The following HS6ST3 variants were observed in gnomAD, a reference collection of about 807,000 sequenced individuals.
The protein encoded by HS6ST3 is heparan sulfate 6-O-sulfotransferase 3, also known as heparan-sulfate 6-O-sulfotransferase 3.
In HS6ST3, 12 loss-of-function variants were observed where a neutral mutation model predicts 36.7. The ratio of observed to expected loss-of-function variants is 0.33; its 90% CI spans 0.21 to 0.53. The LOEUF (loss-of-function observed/expected upper bound fraction) is 0.53. HS6ST3 is among the 20% of genes least tolerant of loss of function. The pLI, the probability that HS6ST3 is intolerant of heterozygous loss-of-function variation, is 0.95. For missense variants in HS6ST3, 584 were observed against 640.9 expected (o/e 0.91, Z 0.96); for synonymous variants, 240 against 257.5 (o/e 0.93, Z 0.65).
chr13:96,348,239 A>G (rs915648507), intron 1 of HS6ST3, among the ~76,000 whole-genome samples: 4 of 152,222 alleles, frequency 2.6e-5, no homozygotes, highest in Non-Finnish European at 4.4e-5. Context: ...TAATACAACT[A>G]TAGATTCTGC....
chr13:96,589,108 GA>G (rs2056373584), intron 1 of HS6ST3, among the ~76,000 whole-genome samples: 1 of 148,782 alleles, frequency 6.7e-6, no homozygotes, highest in Admixed American at 6.7e-5. Context: ...GGAGGAGTTT[GA>G]AAAGAATTGT....
Position 96,090,732 on chromosome 13 carries a change from C to A in HS6ST3, c.-131C>A. ...GGGGCCGCCAGCCAGCCACACGCCT[C>A]GGCGTCAGGGGCATGGAGGAACGGC... On this transcript the variant is annotated 5_prime_UTR_variant, in exon 1 of 2. Coordinates refer to ENST00000376705, the MANE Select transcript of HS6ST3 (RefSeq NM_153456.4). 3.6e-6 allele frequency: 2 copies of A among 561,250 alleles called. No homozygotes were observed. The highest frequency in any genetic ancestry group is 5.0e-6 in the Non-Finnish European group (2 of 397,502). The allele number at this position is 561,250 out of a possible 1,614,324, so 34.8% of individuals were successfully genotyped here. A position where few individuals can be genotyped will look rare whatever the true frequency, so the allele number is the denominator to read the frequency against.
chr13:96,643,061 C>G (rs1166726414), intron 1 of HS6ST3, among the ~76,000 whole-genome samples: 1 of 151,892 alleles, frequency 6.6e-6, no homozygotes, highest in Non-Finnish European at 1.5e-5. Flanking sequence ...AGATTTGTTG[C>G]TATTTATTAT....
chr13:96,322,777 C>G (rs9516661), intron 1 of HS6ST3, among the ~76,000 whole-genome samples: 51,396 of 152,000 alleles, frequency 0.34, 9,090 homozygotes, highest in Non-Finnish European at 0.39. Context: ...GGCTTTCTTT[C>G]TGTCACTCAA....
chr13:96,692,000 A>G (rs534659793), intron 1 of HS6ST3, among the ~76,000 whole-genome samples: 1 of 152,284 alleles, frequency 6.6e-6, no homozygotes, highest in East Asian at 1.9e-4. Flanking sequence ...TATGGTACTT[A>G]TACTCCAACT....
rs144192126 is a variant in HS6ST3, at chr13:96,208,544, G to A, written c.707+116975G>A. 6.7e-3 allele frequency among the ~76,000 whole-genome samples: 1,023 copies of A among 152,230 alleles called. 8 individuals carry two copies. The highest frequency in any genetic ancestry group is 0.01 in the Non-Finnish European group (700 of 67,996). Reference sequence around the variant, plus strand: ...TTCTTTAGAGATTTACTAATACCAAGTATTTTAGAAAAAAATATTTTCTTT... The same window carrying A: ...TTCTTTAGAGATTTACTAATACCAAATATTTTAGAAAAAAATATTTTCTTT... On this transcript the variant is annotated intron_variant, in intron 1 of 1. Transcript: ENST00000376705.
chr13:96,537,800 A>T (rs1253240193), intron 1 of HS6ST3, among the ~76,000 whole-genome samples: 1 of 152,172 alleles, frequency 6.6e-6, no homozygotes, highest in African/African-American at 2.4e-5. Flanking sequence ...TACATTTTTG[A>T]TGGTAAGTTG....
intron 1 of HS6ST3, among the ~76,000 whole-genome samples, chr13:96,640,695 A>C (rs1180068682): frequency 6.6e-6 from 1 of 152,026 alleles, no homozygotes; most frequent in Non-Finnish European, 1.5e-5. Flanking sequence ...TCGAGGTCTT[A>C]CATGAAAATT....
chr13:96,778,596 A>T (rs1877452274), intron 1 of HS6ST3, among the ~76,000 whole-genome samples: 1 of 152,226 alleles, frequency 6.6e-6, no homozygotes, highest in Non-Finnish European at 1.5e-5. Context: ...TCATTAGAAA[A>T]ATGCAAATCA....
chr13:96,139,541 GAAAAAAAAA>G (rs57777280), intron 1 of HS6ST3, among the ~76,000 whole-genome samples: 26 of 66,284 alleles, frequency 3.9e-4, no homozygotes, highest in African/African-American at 9.8e-4. Context: ...GTAAGATTCA[GAAAAAAAAA>G]AAAAAAAAAA....
At chr13:96,304,850 A>G (rs913154747) in intron 1 of HS6ST3, among the ~76,000 whole-genome samples, 5 of 151,208 alleles carry the variant, frequency 3.3e-5, no homozygotes, top group Non-Finnish European at 5.9e-5. Context: ...AGCTGGGACT[A>G]CAGGCACCTG....
intron 1 of HS6ST3, among the ~76,000 whole-genome samples, chr13:96,314,263 G>A (rs1305018564): frequency 6.6e-6 from 1 of 152,092 alleles, no homozygotes; most frequent in East Asian, 1.9e-4. Flanking sequence ...TGGAGTACAA[G>A]TGTGGTTCTC....
chr13:96,332,027 G>A (rs866630414), intron 1 of HS6ST3, among the ~76,000 whole-genome samples: 3 of 152,322 alleles, frequency 2.0e-5, no homozygotes, highest in Non-Finnish European at 2.9e-5. Flanking sequence ...GCAATGCCTC[G>A]CCTTGCTTCG....
intron 1 of HS6ST3, among the ~76,000 whole-genome samples, chr13:96,344,035 C>T (rs542925269): frequency 1.3e-5 from 2 of 152,306 alleles, no homozygotes; most frequent in South Asian, 4.1e-4. Context: ...AACCACTGCA[C>T]TGGGCCTCGT....
intron 1 of HS6ST3, among the ~76,000 whole-genome samples, chr13:96,554,924 C>CA (rs2056234464): frequency 6.6e-6 from 1 of 151,850 alleles, no homozygotes; most frequent in East Asian, 2.0e-4. Context: ...ACAAAACATA[C>CA]AAAAAATTAA....
intron 1 of HS6ST3, among the ~76,000 whole-genome samples, chr13:96,635,988 C>T (rs2056548360): frequency 6.6e-6 from 1 of 152,148 alleles, no homozygotes; most frequent in South Asian, 2.1e-4. Context: ...CAGCTCTTTT[C>T]TTCACTTACC....
At chr13:96,755,081 C>T (rs1035533247) in intron 1 of HS6ST3, among the ~76,000 whole-genome samples, 7 of 151,908 alleles carry the variant, frequency 4.6e-5, no homozygotes, top group African/African-American at 7.3e-5. Context: ...GATAAAGTTA[C>T]GTATCTGTGA....
chr13:96,241,141 G>T (rs1594728057), intron 1 of HS6ST3, among the ~76,000 whole-genome samples: 2 of 149,328 alleles, frequency 1.3e-5, no homozygotes, highest in East Asian at 3.9e-4. Flanking sequence ...GGTCCTTTCT[G>T]TTTTTTTTTT....
intron 1 of HS6ST3, among the ~76,000 whole-genome samples, chr13:96,679,022 A>G (rs900130719): frequency 3.3e-5 from 5 of 151,270 alleles, no homozygotes; most frequent in African/African-American, 1.2e-4. Context: ...AATTATATGT[A>G]TTTCCTGAGC....
Sources: gnomAD v4.1 joint callset for allele counts (sites outside exome capture counted in the v4.1 genomes callset) on GRCh38, gnomAD v4.1.1 for gene constraint, MANE v1.5 for transcripts, NCBI Gene and HGNC (gene_info 2026-07-23, HGNC 2026-07-21) for gene names.